NTNG2: variants seen among roughly 807,000 people sequenced by gnomAD.
NTNG2 encodes the protein netrin-G2.
Under a neutral mutation model 47.6 loss-of-function variants are expected in NTNG2, and 15 were observed. That is an observed-to-expected ratio of 0.32 (90% CI 0.21 to 0.49). The LOEUF (loss-of-function observed/expected upper bound fraction) is 0.49. Among genes scored for constraint, NTNG2 ranks in the 20% least tolerant of loss-of-function variants. NTNG2 has a pLI of 0.99. For missense variants in NTNG2, 578 were observed against 764.6 expected, an observed-to-expected ratio of 0.76 and a Z score of 2.88; for synonymous variants, 307 against 324.6, an observed-to-expected ratio of 0.95 and a Z score of 0.58.
rs949548498 is a variant in NTNG2 at position 132,182,018 on chromosome 9, A to C, written c.213+14974A>C. Among the ~76,000 whole-genome samples the C allele has an allele frequency of 6.6e-6, 1 of 152,228 alleles. No individual in the cohort carries two copies. ...TGCTGGTGAGCATACTGTCCCTGTC[A>C]GCCTCTCCTCCCCCAGCACACCCCG... On this transcript the variant is annotated intron_variant, in intron 2 of 7. Transcript: ENST00000393229. The surrounding 1 kb of genome is among the most constrained non-coding windows in gnomAD (Gnocchi z 4.2).
chr9:132,199,064 C>T (rs1838543642), intron 3 of NTNG2, among the ~76,000 whole-genome samples: 1 of 152,138 alleles, frequency 6.6e-6, no homozygotes, highest in African/African-American at 2.4e-5. Context: ...ATCATAGGGA[C>T]TGCCTAGGAT....
rs770502510 is a variant in NTNG2, at chr9:132,197,921, C to CAA, written c.214-45_214-44insAA. 6.4e-7 allele frequency: 1 copy of CAA among 1,559,444 alleles called. No individual in the cohort carries two copies. Among genetic ancestry groups the CAA allele is most frequent in the Non-Finnish European group, 8.7e-7 (1 of 1,151,198 alleles). ...CGCGCAGAGGCTTCCCAGGCCATCC[C>CAA]GAGCATCCAGCACCCACCCTTCCCT... is the stretch of plus-strand genomic sequence containing the variant. On this transcript the variant is annotated intron_variant, in intron 2 of 7. Coordinates refer to ENST00000393229, the MANE Select transcript of NTNG2 (RefSeq NM_032536.4). The surrounding 1 kb of genome is among the most constrained non-coding windows in gnomAD (Gnocchi z 4.3).
chr9:132,196,536 A>G (rs931477124), intron 2 of NTNG2, among the ~76,000 whole-genome samples: 6 of 152,154 alleles, frequency 3.9e-5, no homozygotes, highest in Admixed American at 3.3e-4. Context: ...TGCATCCACC[A>G]CTGCAGTATT....
intron 5 of NTNG2, among the ~76,000 whole-genome samples, chr9:132,234,647 G>A (rs10901140): frequency 0.19 from 29,302 of 152,240 alleles, 3,407 homozygotes; most frequent in South Asian, 0.38. Flanking sequence ...CAGCGCTGCG[G>A]GCGGAAAACG....
intron 3 of NTNG2, among the ~76,000 whole-genome samples, chr9:132,203,985 G>T (rs1838978013): frequency 6.6e-6 from 1 of 152,204 alleles, no homozygotes; most frequent in African/African-American, 2.4e-5. Context: ...ATGAAGGGAG[G>T]TCCTTTGCAC....
chr9:132,186,638 C>T (rs1460067471), intron 2 of NTNG2, among the ~76,000 whole-genome samples: 2 of 152,210 alleles, frequency 1.3e-5, no homozygotes, highest in Non-Finnish European at 1.5e-5. Context: ...AGCCCAATGC[C>T]CTCAGGTCCT....
chr9:132,210,124 C>A (rs965057884), intron 3 of NTNG2, among the ~76,000 whole-genome samples: 1 of 152,072 alleles, frequency 6.6e-6, no homozygotes, highest in African/African-American at 2.4e-5. Flanking sequence ...CACAGAAGTC[C>A]CTTTGTCCTG....
At chr9:132,189,343 A>T (rs183305112) in intron 2 of NTNG2, among the ~76,000 whole-genome samples, 3 of 152,098 alleles carry the variant, frequency 2.0e-5, no homozygotes, top group African/African-American at 7.2e-5. Context: ...GACCCAAAAC[A>T]TTGGTGAACA....
At chr9:132,170,284 T>G (rs1320603220) in intron 2 of NTNG2, among the ~76,000 whole-genome samples, 1 of 152,128 alleles carries the variant, frequency 6.6e-6, no homozygotes, top group South Asian at 2.1e-4. Flanking sequence ...AAAGACAAGA[T>G]AAATGAATAA....
chr9:132,234,116 C>G (rs1040871520), intron 5 of NTNG2, among the ~76,000 whole-genome samples: 3 of 151,962 alleles, frequency 2.0e-5, no homozygotes, highest in African/African-American at 4.8e-5. Context: ...CAACCTCCGC[C>G]CCCCCAGGTT....
chr9:132,203,604 G>A (rs1407487462), intron 3 of NTNG2, among the ~76,000 whole-genome samples: 1 of 152,190 alleles, frequency 6.6e-6, no homozygotes, highest in East Asian at 1.9e-4. Flanking sequence ...TAAACTCTGT[G>A]CAAGGAAAAC....
Position 132,162,602 on chromosome 9 carries a change from GT to G in NTNG2, c.-484+364del. Among the ~76,000 whole-genome samples the G allele has an allele frequency of 6.7e-6, 1 of 149,090 alleles. No individual in the cohort carries two copies. Among genetic ancestry groups the G allele is most frequent in the Non-Finnish European group, 1.5e-5 (1 of 66,886 alleles). On this transcript the variant is annotated intron_variant, in intron 1 of 7. Coordinates refer to ENST00000393229, the MANE Select transcript of NTNG2 (RefSeq NM_032536.4). This position sits in a 1 kb window ranked among gnomAD's most constrained non-coding sequence, Gnocchi z 4.6. Reference sequence around the variant, plus strand: ...TGTGTGTGTGTGTGTGTGTGTGTGTGTGTGTGTGTGTGTGTCGGGGAGGGAT... The same window carrying G: ...TGTGTGTGTGTGTGTGTGTGTGTGTGGTGTGTGTGTGTGTCGGGGAGGGAT...
rs1840324641 is a variant in NTNG2 at position 132,221,154 on chromosome 9, C to T, written c.858-5695C>T. 6.6e-6 allele frequency among the ~76,000 whole-genome samples: 1 copy of T among 152,096 alleles called. No individual in the cohort carries two copies. ...ATTTGAGGTAGGGGTTGTGAAAGGC[C>T]TCCCCAAAGAAGTGGCATTTGGCCT... On this transcript the variant is annotated intron_variant, in intron 3 of 7. Coordinates refer to ENST00000393229, the MANE Select transcript of NTNG2 (RefSeq NM_032536.4). The surrounding 1 kb of genome is among the most constrained non-coding windows in gnomAD (Gnocchi z 4.2).
At chr9:132,213,776 T>C (rs1839779407) in intron 3 of NTNG2, among the ~76,000 whole-genome samples, 1 of 152,236 alleles carries the variant, frequency 6.6e-6, no homozygotes, top group African/African-American at 2.4e-5. Context: ...CATTGCTGGC[T>C]GTGTTAAAAT....
intron 2 of NTNG2, among the ~76,000 whole-genome samples, chr9:132,176,319 A>G (rs987254715): frequency 1.3e-5 from 2 of 152,224 alleles, no homozygotes; most frequent in Non-Finnish European, 2.9e-5. Flanking sequence ...TCGCCCCAAT[A>G]GAAAACCCTG....
In NTNG2 at chr9:132,226,959, T is replaced by A. The variant is rs969648014; in HGVS notation, c.968T>A (p.Phe323Tyr). The A allele has an allele frequency of 7.4e-6, 12 of 1,611,844 alleles. No individual in the cohort carries two copies. The African/African-American group carries it at 1.6e-4, about 22-fold the overall frequency. The change falls in exon 4 of 8, where the codon TTC becomes TAC. Residue 323 changes from phenylalanine to tyrosine, a missense_variant. Transcript: ENST00000393229. This position sits in a 1 kb window ranked among gnomAD's most constrained non-coding sequence, Gnocchi z 4.8. ...GACTGCGGCAAGTGCAAGAAGAATT[T>A]CCGCACCCGGTCCTGGCGGGCCGGC... ...GPDCGKCKKNFRTRSWRAGSY... is the reference protein window; with the variant it reads ...GPDCGKCKKNYRTRSWRAGSY...
At chr9:132,196,697 C>T (rs986854668) in intron 2 of NTNG2, among the ~76,000 whole-genome samples, 9 of 152,208 alleles carry the variant, frequency 5.9e-5, no homozygotes, top group Admixed American at 4.6e-4. Context: ...GGGTTTTCCA[C>T]ACCAACAACC....
chr9:132,223,500 G>A (rs930427573), intron 3 of NTNG2, among the ~76,000 whole-genome samples: 5 of 152,108 alleles, frequency 3.3e-5, no homozygotes, highest in East Asian at 1.9e-4. Flanking sequence ...AACAAAAAGC[G>A]TCACCCCTCC....
chr9:132,209,252 G>A (rs1287114245), intron 3 of NTNG2, among the ~76,000 whole-genome samples: 3 of 152,242 alleles, frequency 2.0e-5, no homozygotes, highest in African/African-American at 7.2e-5. Flanking sequence ...ATGAGAAACT[G>A]CCAGGCCGTC....
Sources: gnomAD v4.1 joint callset for allele counts (sites outside exome capture counted in the v4.1 genomes callset) on GRCh38, gnomAD v4.1.1 for gene constraint, Gnocchi (gnomAD v3.1) non-coding constraint, MANE v1.5 for transcripts, NCBI Gene and HGNC (gene_info 2026-07-23, HGNC 2026-07-21) for gene names.